The following LAMA4 variants were observed in gnomAD, a reference collection of about 807,000 sequenced individuals.
LAMA4 encodes laminin subunit alpha-4.
Under a neutral mutation model 207.1 loss-of-function variants are expected in LAMA4, and 127 were observed. The ratio of observed to expected loss-of-function variants is 0.61; its 90% confidence interval spans 0.53 to 0.71. The LOEUF is 0.71. Ranked by LOEUF, LAMA4 falls within the 30% of genes least tolerant of loss-of-function variation. The pLI, the probability that LAMA4 is intolerant of heterozygous loss-of-function variation, is 0.00. For synonymous variants in LAMA4, 761 were observed against 816.0 expected (o/e 0.93, Z 1.15); for missense variants, 2,093 against 2,246.5 (o/e 0.93, Z 1.38).
chr6:112,253,850 G>A (rs1554190387), intron 2 of LAMA4, 106 bp downstream of exon 2: 40 of 1,614,214 alleles, frequency 2.5e-5, no homozygotes, highest in Non-Finnish European at 3.4e-5. Flanking sequence ...AAACTCTCAA[G>A]GCACTGGGGA....
chr6:112,117,669 G>C lies in LAMA4; in HGVS notation c.4981+70C>G. ...ATTCTTAAGTTTTAACTCTGGGCCT[G>C]ATATTCCCTGTTAGCCATCTCCAGG... On this transcript the variant is annotated intron_variant, in intron 35 of 38. Coordinates refer to ENST00000230538, the MANE Select transcript of LAMA4 (RefSeq NM_001105206.3). This position sits in a 1 kb window ranked among gnomAD's most constrained non-coding sequence, Gnocchi z 4.5. 1.0e-5 allele frequency: 15 copies of C among 1,470,062 alleles called. No individual in the cohort carries two copies. The highest frequency in any genetic ancestry group is 1.4e-5 in the Non-Finnish European group (15 of 1,052,424). The allele number at this position is 1,470,062 out of a possible 1,614,324, so 91.1% of individuals were successfully genotyped here.
At position 112,222,594 on chromosome 6, in the gene LAMA4, T is replaced by C. The variant is rs9487855; in HGVS notation, c.196-6125A>G. Among the ~76,000 whole-genome samples, 536 of 152,296 alleles carry C rather than the reference T, an allele frequency of 3.5e-3. 3 individuals are homozygous for C. Among genetic ancestry groups the C allele is most frequent in the African/African-American group, 0.012 (517 of 41,562 alleles). ...TCTTAAGCCAAGTCCTTTAATTTTGTAAAGAGTGGAGACAGGGTTATCACA... is the reference window on the plus strand; with the variant it reads ...TCTTAAGCCAAGTCCTTTAATTTTGCAAAGAGTGGAGACAGGGTTATCACA... On this transcript the variant is annotated intron_variant, in intron 2 of 38. Transcript: ENST00000230538.
chr6:112,111,434 C>T (rs932056126), intron 38 of LAMA4, among the ~76,000 whole-genome samples: 3 of 152,110 alleles, frequency 2.0e-5, no homozygotes, highest in Admixed American at 6.5e-5. Context: ...GAATTTTATG[C>T]GTTAGCTTTT....
intron 2 of LAMA4, among the ~76,000 whole-genome samples, chr6:112,220,485 A>G (rs1554360261): frequency 6.6e-6 from 1 of 152,172 alleles, no homozygotes; most frequent in African/African-American, 2.4e-5. Context: ...GTGTATCTAC[A>G]TGTGTCAATT....
intron 6 of LAMA4, among the ~76,000 whole-genome samples, chr6:112,189,654 T>G (rs1445760993): frequency 6.6e-6 from 1 of 152,154 alleles, no homozygotes; most frequent in East Asian, 1.9e-4. Context: ...GAGGAGCAGC[T>G]TAGCAAGGAG....
intron 4 of LAMA4, among the ~76,000 whole-genome samples, chr6:112,204,639 T>C (rs1260390316): frequency 1.3e-5 from 2 of 151,048 alleles, no homozygotes; most frequent in African/African-American, 2.5e-5. Context: ...GCTAAATATC[T>C]CACCAGACGT....
chr6:112,164,630 G>A lies in LAMA4; in HGVS notation c.1668+530C>T, dbSNP rs1001631199. Among the ~76,000 whole-genome samples, 19 of 152,170 alleles carry A rather than the reference G, an allele frequency of 1.2e-4. 1 individual carries two copies. Among genetic ancestry groups the A allele is most frequent in the East Asian group, 9.6e-4 (5 of 5,192 alleles). On this transcript the variant is annotated intron_variant, in intron 13 of 38. Transcript: ENST00000230538. ...AAATGACCTTAAAGTGATATCTTTCGAAAGGTAATAAAATGAACTAAGAGT... is the reference window on the plus strand; with the variant it reads ...AAATGACCTTAAAGTGATATCTTTCAAAAGGTAATAAAATGAACTAAGAGT...
chr6:112,215,836 G>T (rs1301926982), intron 3 of LAMA4, among the ~76,000 whole-genome samples: 1 of 152,146 alleles, frequency 6.6e-6, no homozygotes, highest in Non-Finnish European at 1.5e-5. Flanking sequence ...TAGTCTCCTG[G>T]GGGCTTAAAC....
chr6:112,181,390 T>G (rs1449064692), intron 9 of LAMA4, among the ~76,000 whole-genome samples: 2 of 152,180 alleles, frequency 1.3e-5, no homozygotes, highest in Non-Finnish European at 2.9e-5. Context: ...ACGAGCGTGT[T>G]TGGGAAGGTT....
At chr6:112,224,039 TC>T in intron 2 of LAMA4, among the ~76,000 whole-genome samples, 1 of 152,194 alleles carries the variant, frequency 6.6e-6, no homozygotes, top group Non-Finnish European at 1.5e-5. Context: ...AAGCCTTCTA[TC>T]TGTGCTCTGG....
At chr6:112,205,517 A>G (rs1284525666) in intron 4 of LAMA4, among the ~76,000 whole-genome samples, 3 of 152,178 alleles carry the variant, frequency 2.0e-5, no homozygotes, top group Admixed American at 6.5e-5. Context: ...TATGTGTCCA[A>G]ATTTGAATAT....
intron 2 of LAMA4, among the ~76,000 whole-genome samples, chr6:112,237,949 ACT>A (rs1238400684): frequency 1.3e-5 from 2 of 152,098 alleles, no homozygotes; most frequent in East Asian, 3.9e-4. Context: ...CATGATTCTC[ACT>A]GTGTTTCTCT....
At chr6:112,136,370 A>C in intron 24 of LAMA4, 116 bp from the exon 25 acceptor site, 1 of 834,858 alleles carries the variant, frequency 1.2e-6, no homozygotes, top group Non-Finnish European at 1.9e-6. Flanking sequence ...TTGAAGACTA[A>C]GAAAGTCTCA....
intron 38 of LAMA4, among the ~76,000 whole-genome samples, chr6:112,110,685 G>T (rs1777640606): frequency 6.6e-6 from 1 of 152,172 alleles, no homozygotes; most frequent in Admixed American, 6.5e-5. Context: ...GAACAGGAAT[G>T]CTTATAAGAG....
intron 38 of LAMA4, 78 bp downstream of exon 38, chr6:112,113,998 A>G (rs1482029015): frequency 4.5e-6 from 7 of 1,544,734 alleles, no homozygotes; most frequent in Non-Finnish European, 6.3e-6. Flanking sequence ...ATAAAAACAC[A>G]TGGCTCAATT....
At chr6:112,191,425 C>T (rs1783113292) in intron 6 of LAMA4, among the ~76,000 whole-genome samples, 1 of 152,180 alleles carries the variant, frequency 6.6e-6, no homozygotes, top group South Asian at 2.1e-4. Context: ...CTAGTTTATT[C>T]CACCCATGAG....
intron 3 of LAMA4, among the ~76,000 whole-genome samples, chr6:112,212,147 T>C (rs73764707): frequency 0.039 from 5,958 of 151,784 alleles, 384 homozygotes; most frequent in African/African-American, 0.14. Flanking sequence ...GAGGAGTATA[T>C]GGGGAGGACC....
chr6:112,165,307 G>A (rs782808651), intron 12 of LAMA4, 31 bp from the exon 13 acceptor site: 1 of 1,381,958 alleles, frequency 7.2e-7, no homozygotes, highest in Non-Finnish European at 1.0e-6. Flanking sequence ...GGAGAGTGAA[G>A]TGAATATGTC....
intron 2 of LAMA4, among the ~76,000 whole-genome samples, chr6:112,248,708 C>G (rs1554189134): frequency 6.6e-6 from 1 of 151,854 alleles, no homozygotes; most frequent in Non-Finnish European, 1.5e-5. Flanking sequence ...ACTTATTAAT[C>G]TAAATCAACA....
Sources: allele counts gnomAD v4.1 joint callset (sites outside exome capture counted in the v4.1 genomes callset), GRCh38; gene constraint gnomAD v4.1.1; non-coding constraint Gnocchi (gnomAD v3.1); transcripts MANE v1.5; gene names NCBI Gene and HGNC (gene_info 2026-07-23, HGNC 2026-07-21).